The following SPDYA variants were observed in gnomAD, a reference collection of about 807,000 sequenced individuals.
SPDYA encodes speedy/RINGO cell cycle regulator family member A, also known as speedy protein A.
In SPDYA, 11 loss-of-function variants were observed where a neutral mutation model predicts 36.7. The ratio of observed to expected loss-of-function variants is 0.30; its 90% CI spans 0.19 to 0.50. SPDYA has a LOEUF of 0.50. Among genes scored for constraint, SPDYA ranks in the 20% least tolerant of loss-of-function variants. The pLI is 0.98. For missense variants in SPDYA, 287 were observed against 370.9 expected (o/e 0.77, Z 1.86); for synonymous variants, 115 against 118.7 (o/e 0.97, Z 0.20).
At chr2:28,838,344 A>G (rs1036276961) in intron 6 of SPDYA, among the ~76,000 whole-genome samples, 5 of 151,768 alleles carry the variant, frequency 3.3e-5, no homozygotes, top group African/African-American at 1.2e-4. Context: ...ACCATGCCCA[A>G]CTAATTTTGT....
At chr2:28,818,905 A>G in intron 3 of SPDYA, 143 bp from the exon 4 acceptor site, 1 of 607,226 alleles carries the variant, frequency 1.6e-6, no homozygotes, top group South Asian at 2.1e-5. Flanking sequence ...CAAAGAACTG[A>G]AAACTCCACC....
intron 1 of SPDYA, among the ~76,000 whole-genome samples, chr2:28,814,385 G>A (rs536944297): frequency 2.2e-4 from 34 of 152,078 alleles, no homozygotes; most frequent in Non-Finnish European, 4.0e-4. Flanking sequence ...AGGAAAATAC[G>A]CAGCAGATTT....
intron 1 of SPDYA, among the ~76,000 whole-genome samples, chr2:28,812,089 CACTT>C (rs1329791259): frequency 1.9e-4 from 29 of 152,290 alleles, no homozygotes; most frequent in Admixed American, 6.5e-4. Flanking sequence ...CTAGCTTTAT[CACTT>C]ACTATGAGCC....
intron 4 of SPDYA, among the ~76,000 whole-genome samples, chr2:28,819,534 TAAAA>T (rs1266597414): frequency 6.6e-6 from 1 of 151,490 alleles, no homozygotes; most frequent in Non-Finnish European, 1.5e-5. Context: ...ATTTAAAAAT[TAAAA>T]AAATAAGAGC....
chr2:28,817,582 A>C (rs1279001715), intron 3 of SPDYA, among the ~76,000 whole-genome samples: 1 of 151,420 alleles, frequency 6.6e-6, no homozygotes, highest in East Asian at 1.9e-4. Flanking sequence ...AGAACTATAA[A>C]TAGAATTAAT....
At chr2:28,838,676 A>G (rs1668673069) in intron 6 of SPDYA, among the ~76,000 whole-genome samples, 1 of 152,152 alleles carries the variant, frequency 6.6e-6, no homozygotes, top group Non-Finnish European at 1.5e-5. Flanking sequence ...CTTATTGCAA[A>G]AATAACAGTT....
rs373210508 is a variant in SPDYA, at chr2:28,849,951, A to G, written c.*10A>G. On this transcript the variant is annotated 3_prime_UTR_variant, in exon 8 of 8. Transcript: ENST00000334056. ...AGGAAGTGAAGAATGAGATGGCCCA[A>G]CTAAACCAATTTGGAATCATTAACT... The G allele has an allele frequency of 1.3e-6, 2 of 1,561,290 alleles. No individual in the cohort carries two copies. Among genetic ancestry groups the G allele is most frequent in the African/African-American group, 2.8e-5 (2 of 72,600 alleles).
chr2:28,824,483 A>C (rs1000985909), intron 5 of SPDYA, among the ~76,000 whole-genome samples: 5 of 99,588 alleles, frequency 5.0e-5, no homozygotes, highest in East Asian at 2.5e-3. Context: ...CAGGAGAAAA[A>C]AAAAAAAACA....
intron 4 of SPDYA, among the ~76,000 whole-genome samples, chr2:28,820,354 G>C (rs1341533177): frequency 6.6e-6 from 1 of 152,032 alleles, no homozygotes; most frequent in Non-Finnish European, 1.5e-5. Flanking sequence ...GGGATGCTGA[G>C]GCGGGCAGAT....
At position 28,819,034 on chromosome 2, in the gene SPDYA, A is replaced by T. The variant is rs1233066560; in HGVS notation, c.236-14A>T. 6.3e-7 allele frequency: 1 copy of T among 1,597,028 alleles called. No homozygotes were observed. The highest frequency in any genetic ancestry group is 8.6e-7 in the Non-Finnish European group (1 of 1,167,274). ...TGTTTTTAAAAGACAAGTTATAGCT[A>T]TCTTTTGTTGTAGATGACGATTTAA... is the stretch of plus-strand genomic sequence containing the variant. On this transcript the variant is annotated splice_polypyrimidine_tract_variant and intron_variant, in intron 3 of 7. Transcript: ENST00000334056.
chr2:28,817,227 C>T (rs1026691576), intron 3 of SPDYA, among the ~76,000 whole-genome samples: 14 of 152,134 alleles, frequency 9.2e-5, no homozygotes, highest in Admixed American at 3.9e-4. Flanking sequence ...ATCAGAAACA[C>T]GGGAAAATAC....
chr2:28,848,498 ACT>A (rs1198807847), intron 7 of SPDYA, among the ~76,000 whole-genome samples: 10 of 152,104 alleles, frequency 6.6e-5, no homozygotes, highest in Non-Finnish European at 1.5e-4. Context: ...CATTATGGTT[ACT>A]CATAGTACCT....
At chr2:28,812,986 T>C (rs1458293447) in intron 1 of SPDYA, among the ~76,000 whole-genome samples, 1 of 152,210 alleles carries the variant, frequency 6.6e-6, no homozygotes, top group Non-Finnish European at 1.5e-5. Context: ...TTCGTTCCTT[T>C]CCTCTTGCTT....
Position 28,816,032 on chromosome 2 carries a change from G to A in SPDYA, c.18G>A (p.Met6Ile). ...AAACCAAAATGAGGCACAATCAGAT[G>A]TGTTGTGAGACACCACCTACTGTCA... MRHNQ[M>I]CCETPPTVTV... Residue 6 changes from methionine to isoleucine, a missense_variant, in exon 3 of 8, where the codon ATG becomes ATA. Transcript: ENST00000334056. The A allele has an allele frequency of 1.2e-6, 2 of 1,612,130 alleles. No individual in the cohort carries two copies. The highest frequency in any genetic ancestry group is 1.7e-6 in the Non-Finnish European group (2 of 1,179,518).
intron 5 of SPDYA, among the ~76,000 whole-genome samples, chr2:28,824,970 C>T (rs1668282611): frequency 6.6e-6 from 1 of 152,150 alleles, no homozygotes; most frequent in Non-Finnish European, 1.5e-5. Context: ...GTACTATGTG[C>T]AAGGCACCAC....
intron 5 of SPDYA, among the ~76,000 whole-genome samples, chr2:28,825,087 C>G (rs1273858043): frequency 6.6e-6 from 1 of 152,116 alleles, no homozygotes; most frequent in Non-Finnish European, 1.5e-5. Context: ...TAAGTACTTT[C>G]TAAGAACAAA....
intron 6 of SPDYA, among the ~76,000 whole-genome samples, chr2:28,832,339 G>GT (rs1395952317): frequency 4.6e-5 from 7 of 152,074 alleles, no homozygotes; most frequent in Non-Finnish European, 5.9e-5. Context: ...AGGATACCAG[G>GT]TTTTTTTCAG....
intron 5 of SPDYA, among the ~76,000 whole-genome samples, chr2:28,824,941 T>A (rs923312461): frequency 6.6e-6 from 1 of 152,218 alleles, no homozygotes; most frequent in Non-Finnish European, 1.5e-5. Flanking sequence ...CTAAATATAA[T>A]AGTATTAGGT....
rs767066925 is a variant in SPDYA, at chr2:28,829,134, ATCT to A, written c.381-9_381-7del. The A allele has an allele frequency of 1.9e-6, 3 of 1,599,896 alleles. No homozygotes were observed. The highest frequency in any genetic ancestry group is 2.6e-6 in the Non-Finnish European group (3 of 1,175,200). On this transcript the variant is annotated splice_polypyrimidine_tract_variant and intron_variant, in intron 5 of 7. Coordinates refer to ENST00000334056, the MANE Select transcript of SPDYA (RefSeq NM_182756.4). ...TTACCCATTTCTTTTTTGGGTTGTG[ATCT>A]TCTTTGTTAGGTATCTGGCTAATAC...
Sources: allele counts gnomAD v4.1 joint callset (sites outside exome capture counted in the v4.1 genomes callset), GRCh38; gene constraint gnomAD v4.1.1; transcripts MANE v1.5; gene names NCBI Gene and HGNC (gene_info 2026-07-23, HGNC 2026-07-21).